Variants in CCDC174 observed in about 807,000 individuals in gnomAD.
CCDC174 encodes the protein coiled-coil domain-containing protein 174.
In CCDC174, 37 loss-of-function variants were observed where a neutral mutation model predicts 57.1. The observed-to-expected ratio is 0.65, with a 90% CI of 0.50 to 0.85. CCDC174 has a LOEUF of 0.85. Among genes scored for constraint, CCDC174 ranks in the 40% least tolerant of loss-of-function variants. The pLI is 0.00. For missense variants in CCDC174, 540 were observed against 574.3 expected (o/e 0.94, Z 0.61); for synonymous variants, 182 against 190.2 (o/e 0.96, Z 0.35).
At chr3:14,659,710 A>C (rs919217403) in intron 4 of CCDC174, among the ~76,000 whole-genome samples, 14 of 152,036 alleles carry the variant, frequency 9.2e-5, no homozygotes, top group Non-Finnish European at 1.5e-4. Context: ...TAAAAAAAAA[A>C]CAAAAAACTC....
At chr3:14,659,795 G>A (rs9830271) in intron 4 of CCDC174, among the ~76,000 whole-genome samples, 124,113 of 152,172 alleles carry the variant, frequency 0.82, 51,686 homozygotes, top group Non-Finnish European at 0.91. Context: ...GAGGCAGGGA[G>A]AGTGAATATG....
rs73022117 is a variant in CCDC174, at chr3:14,665,263, A to G, written c.581+140A>G. Reference sequence around the variant, plus strand: ...TATTGATTGATTGATTGATTGATTGAAGCACTTTTTAGTGGTTAGCATGCA... The same window carrying G: ...TATTGATTGATTGATTGATTGATTGGAGCACTTTTTAGTGGTTAGCATGCA... On this transcript the variant is annotated intron_variant, in intron 6 of 10. Coordinates refer to ENST00000383794, the MANE Select transcript of CCDC174 (RefSeq NM_016474.5). 41,983 of 656,486 alleles carry G rather than the reference A, an allele frequency of 0.064. 2,579 individuals are homozygous for G. Among genetic ancestry groups the G allele is most frequent in the Non-Finnish European group, 0.081 (29,908 of 367,118 alleles). The allele number at this position is 656,486 out of a possible 1,614,324, so 40.7% of individuals were successfully genotyped here. A position where few individuals can be genotyped will look rare whatever the true frequency, so the allele number is the denominator to read the frequency against.
chr3:14,671,837 TGAA>T lies in CCDC174; in HGVS notation c.*645_*647del, dbSNP rs1286732652. On this transcript the variant is annotated 3_prime_UTR_variant, in exon 11 of 11. Coordinates refer to ENST00000383794, the MANE Select transcript of CCDC174 (RefSeq NM_016474.5). ...CAGTGGGCATTCAGTAAATGTGTGT[TGAA>T]GGACTGGGACGTACGTGGAGGCTGC... is the stretch of plus-strand genomic sequence containing the variant. The T allele has an allele frequency of 1.3e-5, 2 of 152,512 alleles. No individual in the cohort carries two copies. Among genetic ancestry groups the T allele is most frequent in the Non-Finnish European group, 2.9e-5 (2 of 68,244 alleles). The allele number at this position is 152,512 out of a possible 1,614,324, so 9.4% of individuals were successfully genotyped here. A position where few individuals can be genotyped will look rare whatever the true frequency, so the allele number is the denominator to read the frequency against.
chr3:14,672,052 G>A lies in CCDC174; in HGVS notation c.*858G>A, dbSNP rs1396069421. 6.6e-6 allele frequency: 1 copy of A among 152,332 alleles called. No homozygotes were observed. Among genetic ancestry groups the A allele is most frequent in the Non-Finnish European group, 1.5e-5 (1 of 68,152 alleles). 9.4% of individuals were successfully genotyped at this position (152,332 alleles called of 1,614,324 possible). On this transcript the variant is annotated 3_prime_UTR_variant, in exon 11 of 11. Coordinates refer to ENST00000383794, the MANE Select transcript of CCDC174 (RefSeq NM_016474.5). ...AGTAATAAGGAGAGGGTTGGGGGTG[G>A]GCAGGGCTCCAGAAAGTCAGCAGTG... is the stretch of plus-strand genomic sequence containing the variant.
intron 9 of CCDC174, among the ~76,000 whole-genome samples, chr3:14,669,244 A>G (rs1396849485): frequency 6.6e-6 from 1 of 152,190 alleles, no homozygotes; most frequent in Non-Finnish European, 1.5e-5. Context: ...AGCTTATGTG[A>G]AGCCATGGGC....
intron 9 of CCDC174, among the ~76,000 whole-genome samples, chr3:14,669,161 G>A (rs1422876100): frequency 6.6e-6 from 1 of 152,176 alleles, no homozygotes; most frequent in Non-Finnish European, 1.5e-5. Flanking sequence ...CTGCAACCGG[G>A]GGGCATTCTG....
At chr3:14,667,217 T>C (rs1247868734) in intron 7 of CCDC174, 2 of 619,720 alleles carry the variant, frequency 3.2e-6, no homozygotes, top group African/African-American at 3.7e-5. Flanking sequence ...ACCCTTGTTA[T>C]GCTTCCCTTG....
chr3:14,654,368 G>A (rs2030878151), intron 1 of CCDC174, 58 bp from the exon 2 acceptor site: 2 of 842,346 alleles, frequency 2.4e-6, no homozygotes, highest in East Asian at 5.1e-5. Context: ...TAATAATTTA[G>A]CAATCCAGTC....
rs1559383096 is a variant in CCDC174 at position 14,666,917 on chromosome 3, C to A, written c.694C>A (p.Pro232Thr). Residue 232 changes from proline to threonine, a missense_variant, in exon 7 of 11, where the codon CCC becomes ACC. Coordinates refer to ENST00000383794, the MANE Select transcript of CCDC174 (RefSeq NM_016474.5). ...AGAGGCCCTGAAGAGGCCCATGGGG[C>A]CCGTACATTATGAAGACATTCGGGA... ...EREALKRPMG[P>T]VHYEDIRENE... 6.3e-7 allele frequency: 1 copy of A among 1,589,734 alleles called. No homozygotes were observed. Among genetic ancestry groups the A allele is most frequent in the Non-Finnish European group, 8.5e-7 (1 of 1,173,428 alleles).
intron 4 of CCDC174, among the ~76,000 whole-genome samples, chr3:14,660,952 G>A (rs1184396085): frequency 6.6e-6 from 1 of 152,240 alleles, no homozygotes; most frequent in African/African-American, 2.4e-5. Flanking sequence ...AGCCCTGCAG[G>A]CAGAGGGTGT....
At chr3:14,664,959 C>A in intron 5 of CCDC174, 69 bp from the exon 6 acceptor site, 2 of 1,124,522 alleles carry the variant, frequency 1.8e-6, no homozygotes, top group Non-Finnish European at 2.7e-6. Flanking sequence ...CACTGTTCAC[C>A]TACTCCCTGA....
intron 5 of CCDC174, among the ~76,000 whole-genome samples, chr3:14,664,688 A>T (rs1451020852): frequency 6.6e-6 from 1 of 152,250 alleles, no homozygotes; most frequent in African/African-American, 2.4e-5. Flanking sequence ...AGTTATTAAG[A>T]TACTGATAAA....
At chr3:14,665,006 C>T (rs1217316683) in intron 5 of CCDC174, 22 bp from the exon 6 acceptor site, 3 of 1,579,354 alleles carry the variant, frequency 1.9e-6, no homozygotes, top group Admixed American at 3.3e-5. Flanking sequence ...TCCTTCTTCA[C>T]ATCTTTTTGC....
At chr3:14,653,268 G>T (rs1204024809) in intron 1 of CCDC174, among the ~76,000 whole-genome samples, 1 of 152,188 alleles carries the variant, frequency 6.6e-6, no homozygotes, top group African/African-American at 2.4e-5. Flanking sequence ...ATCTCTTAAA[G>T]TTAAAGGCAG....
chr3:14,652,688 G>T (rs1331924806), intron 1 of CCDC174, among the ~76,000 whole-genome samples: 1 of 151,952 alleles, frequency 6.6e-6, no homozygotes, highest in Non-Finnish European at 1.5e-5. Context: ...GATCACCTGA[G>T]GTCGGGAGTT....
chr3:14,669,161 G>C (rs1422876100), intron 9 of CCDC174, among the ~76,000 whole-genome samples: 1 of 152,176 alleles, frequency 6.6e-6, no homozygotes, highest in Non-Finnish European at 1.5e-5. Flanking sequence ...CTGCAACCGG[G>C]GGGCATTCTG....
At chr3:14,667,951 C>G in intron 8 of CCDC174, 98 bp from the exon 9 acceptor site, 2 of 1,225,816 alleles carry the variant, frequency 1.6e-6, no homozygotes, top group Admixed American at 2.4e-5. Flanking sequence ...GCCTGAAGAT[C>G]AATTAACTAG....
Position 14,661,727 on chromosome 3 carries a change from A to G in CCDC174, c.485+20A>G. The G allele has an allele frequency of 6.3e-7, 1 of 1,590,364 alleles. No individual in the cohort carries two copies. Among genetic ancestry groups the G allele is most frequent in the Non-Finnish European group, 8.6e-7 (1 of 1,169,458 alleles). ...AGAATGGTTGGTAACATCATGGATTAGCTCAGAGGAACATCCTCAGACTTG... is the reference window on the plus strand; with the variant it reads ...AGAATGGTTGGTAACATCATGGATTGGCTCAGAGGAACATCCTCAGACTTG... On this transcript the variant is annotated intron_variant, in intron 5 of 10. Coordinates refer to ENST00000383794, the MANE Select transcript of CCDC174 (RefSeq NM_016474.5).
chr3:14,667,222 C>T, intron 7 of CCDC174: 1 of 620,478 alleles, frequency 1.6e-6, no homozygotes, highest in Non-Finnish European at 2.8e-6. Context: ...TGTTATGCTT[C>T]CCTTGGCAAA....
Sources: gnomAD v4.1 joint callset for allele counts (sites outside exome capture counted in the v4.1 genomes callset) on GRCh38, gnomAD v4.1.1 for gene constraint, MANE v1.5 for transcripts, NCBI Gene and HGNC (gene_info 2026-07-23, HGNC 2026-07-21) for gene names.